PPFIA2: variants seen among roughly 807,000 people sequenced by gnomAD.
The protein encoded by PPFIA2 is liprin-alpha-2.
PPFIA2 carries 46 observed loss-of-function variants against 175.5 expected under a neutral mutation model. The observed-to-expected ratio is 0.26, with a 90% CI of 0.21 to 0.34. The LOEUF (loss-of-function observed/expected upper bound fraction) is 0.34, where lower values mean the gene tolerates loss of function less well. PPFIA2 is among the 10% of genes least tolerant of loss of function. The pLI is 1.00. For synonymous variants in PPFIA2, 568 were observed against 511.4 expected (o/e 1.11, Z -1.49); for missense variants, 1,179 against 1,506.1 (o/e 0.78, Z 3.60).
intron 4 of PPFIA2, among the ~76,000 whole-genome samples, chr12:81,635,249 C>T (rs2063851097): frequency 6.6e-6 from 1 of 152,056 alleles, no homozygotes; most frequent in African/African-American, 2.4e-5. Flanking sequence ...ACTCTCTTTG[C>T]ATTTTAGGCA....
intron 11 of PPFIA2, among the ~76,000 whole-genome samples, chr12:81,373,622 G>C (rs1299975683): frequency 6.6e-6 from 1 of 151,488 alleles, no homozygotes; most frequent in Non-Finnish European, 1.5e-5. Context: ...GCTCTACGCA[G>C]TCAAAGGTTT....
intron 30 of PPFIA2, among the ~76,000 whole-genome samples, chr12:81,266,204 G>C (rs1481771327): frequency 6.6e-6 from 1 of 152,118 alleles, no homozygotes; most frequent in Non-Finnish European, 1.5e-5. Context: ...CCTGTACTTT[G>C]CAACACAGAA....
At chr12:81,332,270 T>C (rs1427478316) in intron 21 of PPFIA2, among the ~76,000 whole-genome samples, 2 of 152,044 alleles carry the variant, frequency 1.3e-5, no homozygotes, top group Non-Finnish European at 2.9e-5. Context: ...TGCTAATCAC[T>C]TCCTTTGCTT....
intron 4 of PPFIA2, among the ~76,000 whole-genome samples, chr12:81,676,503 T>A (rs889200675): frequency 6.6e-6 from 1 of 151,896 alleles, no homozygotes; most frequent in African/African-American, 2.4e-5. Flanking sequence ...AAAAACAAAC[T>A]CTCCAGTTAG....
chr12:81,705,903 G>C (rs2077078072), intron 3 of PPFIA2, among the ~76,000 whole-genome samples: 1 of 152,206 alleles, frequency 6.6e-6, no homozygotes, highest in South Asian at 2.1e-4. Context: ...CAATTCAGCA[G>C]CTACTAGTCA....
In PPFIA2 at chr12:81,340,954, G is replaced by A. The variant is rs539638999; in HGVS notation, c.2393+124C>T. 8.2e-5 allele frequency: 87 copies of A among 1,056,748 alleles called. No homozygotes were observed. The South Asian group carries it at 1.0e-3, about 13-fold the overall frequency. 65.5% of individuals were successfully genotyped at this position (1,056,748 alleles called of 1,614,324 possible). ...TATTTCACAAGTGATACTGGGAAAGGGAAGCTGGAGAATTCTGGCTCAAAT... is the reference window on the plus strand; with the variant it reads ...TATTTCACAAGTGATACTGGGAAAGAGAAGCTGGAGAATTCTGGCTCAAAT... On this transcript the variant is annotated intron_variant, in intron 20 of 32. Coordinates refer to ENST00000549396, the MANE Select transcript of PPFIA2 (RefSeq NM_003625.5).
chr12:81,516,124 T>C (rs1034270589), intron 4 of PPFIA2, among the ~76,000 whole-genome samples: 3 of 152,092 alleles, frequency 2.0e-5, no homozygotes, highest in South Asian at 2.1e-4. Context: ...GAAAAGCATA[T>C]TGGATTTGTT....
chr12:81,756,239 G>A (rs1317725125), intron 2 of PPFIA2, among the ~76,000 whole-genome samples: 2 of 152,046 alleles, frequency 1.3e-5, no homozygotes, highest in African/African-American at 2.4e-5. Flanking sequence ...CACTCACAAC[G>A]TTAGGGTTAC....
intron 3 of PPFIA2, among the ~76,000 whole-genome samples, chr12:81,743,280 G>C (rs2082555708): frequency 6.6e-6 from 1 of 151,808 alleles, no homozygotes. Context: ...AGCTGGGCAT[G>C]GTGGCACATG....
intron 4 of PPFIA2, among the ~76,000 whole-genome samples, chr12:81,671,232 C>A (rs190183469): frequency 7.9e-5 from 12 of 152,020 alleles, no homozygotes; most frequent in Admixed American, 5.3e-4. Context: ...CAATATCAGC[C>A]TTGACTTCTC....
At chr12:81,367,571 G>A (rs904066135) in intron 13 of PPFIA2, among the ~76,000 whole-genome samples, 7 of 151,612 alleles carry the variant, frequency 4.6e-5, no homozygotes, top group African/African-American at 1.7e-4. Context: ...TCTGAAGAAA[G>A]AAGAAATCAT....
chr12:81,367,254 A>G, intron 13 of PPFIA2, 84 bp from the exon 14 acceptor site: 1 of 902,340 alleles, frequency 1.1e-6, no homozygotes, highest in Non-Finnish European at 1.5e-6. Flanking sequence ...TTATCACTCA[A>G]GAATCCTCTT....
intron 29 of PPFIA2, 86 bp downstream of exon 29, chr12:81,267,826 G>T: frequency 5.0e-6 from 6 of 1,202,900 alleles, no homozygotes; most frequent in East Asian, 3.7e-5. Flanking sequence ...TAACAATCAT[G>T]AATACACAGC....
chr12:81,710,710 T>TTTATTAATCTTAAGAG (rs1596651809), intron 3 of PPFIA2, among the ~76,000 whole-genome samples: 2 of 147,616 alleles, frequency 1.4e-5, no homozygotes, highest in Admixed American at 7.6e-5. Flanking sequence ...TATTTTCATA[T>TTTATTAATCTTAAGAG]AATATTTTAA....
intron 5 of PPFIA2, among the ~76,000 whole-genome samples, chr12:81,454,462 T>C (rs2145680364): frequency 6.6e-6 from 1 of 152,234 alleles, no homozygotes; most frequent in South Asian, 2.1e-4. Context: ...AATAATGAGA[T>C]TGCTGTGAGA....
At chr12:81,307,652 G>A (rs183303269) in intron 22 of PPFIA2, among the ~76,000 whole-genome samples, 5 of 151,880 alleles carry the variant, frequency 3.3e-5, no homozygotes, top group Non-Finnish European at 7.4e-5. Flanking sequence ...CTCTCATTTG[G>A]TAACTTGTCC....
intron 4 of PPFIA2, among the ~76,000 whole-genome samples, chr12:81,547,188 T>C (rs575018058): frequency 8.5e-4 from 129 of 152,206 alleles, no homozygotes; most frequent in Non-Finnish European, 1.6e-3. Flanking sequence ...ACCAAAGTTA[T>C]ATTGTGTAAA....
chr12:81,497,933 T>C (rs2060203806), intron 4 of PPFIA2, among the ~76,000 whole-genome samples: 1 of 152,134 alleles, frequency 6.6e-6, no homozygotes, highest in African/African-American at 2.4e-5. Flanking sequence ...CAGTTTCCTT[T>C]TCCATAATTT....
At chr12:81,357,993 T>C in intron 16 of PPFIA2, 89 bp downstream of exon 16, 1 of 1,253,844 alleles carries the variant, frequency 8.0e-7, no homozygotes, top group Non-Finnish European at 1.1e-6. Flanking sequence ...ATGCTAGCAT[T>C]TTCTAATTAT....
Sources: allele counts gnomAD v4.1 joint callset (sites outside exome capture counted in the v4.1 genomes callset), GRCh38; gene constraint gnomAD v4.1.1; transcripts MANE v1.5; gene names NCBI Gene and HGNC (gene_info 2026-07-23, HGNC 2026-07-21).